The following DNER variants were observed in gnomAD, a reference collection of about 807,000 sequenced individuals.
DNER encodes the protein delta and Notch-like epidermal growth factor-related receptor.
DNER carries 33 observed loss-of-function variants against 78.2 expected under a neutral mutation model. The ratio of observed to expected loss-of-function variants is 0.42; its 90% confidence interval spans 0.32 to 0.56. The LOEUF (loss-of-function observed/expected upper bound fraction) is 0.56. Among genes scored for constraint, DNER ranks in the 20% least tolerant of loss-of-function variants. The probability of loss-of-function intolerance (pLI) is 0.11; values close to 1 mark genes in which losing one functional copy is unlikely to be tolerated. For synonymous variants in DNER, 417 were observed against 384.8 expected (o/e 1.08, Z -0.98); for missense variants, 918 against 975.3 (o/e 0.94, Z 0.78).
chr2:229,551,769 T>A (rs1246708693), intron 4 of DNER, among the ~76,000 whole-genome samples: 2 of 151,686 alleles, frequency 1.3e-5, no homozygotes, highest in Non-Finnish European at 2.9e-5. Context: ...CCATCTCTAC[T>A]AAAAGTACAA....
chr2:229,615,835 C>G (rs899984678), intron 1 of DNER, among the ~76,000 whole-genome samples: 4 of 152,170 alleles, frequency 2.6e-5, no homozygotes, highest in Non-Finnish European at 4.4e-5. Context: ...AAGCAAGCAG[C>G]CACAAGAAGT....
At chr2:229,567,271 C>T (rs1279944416) in intron 4 of DNER, among the ~76,000 whole-genome samples, 1 of 152,222 alleles carries the variant, frequency 6.6e-6, no homozygotes, top group Non-Finnish European at 1.5e-5. Flanking sequence ...ATTTATTCTG[C>T]ACCCTACTAA....
chr2:229,662,353 G>A (rs1427259634), intron 1 of DNER, among the ~76,000 whole-genome samples: 2 of 152,256 alleles, frequency 1.3e-5, no homozygotes, highest in African/African-American at 2.4e-5. Flanking sequence ...TAAGGAAAAA[G>A]ATAACTCATC....
At chr2:229,694,848 T>G (rs1174555198) in intron 1 of DNER, among the ~76,000 whole-genome samples, 1 of 152,196 alleles carries the variant, frequency 6.6e-6, no homozygotes, top group East Asian at 1.9e-4. Context: ...GTTAAGATTT[T>G]GGGGGACTGT....
In DNER at chr2:229,626,367, T is replaced by C. The variant is rs955643822; in HGVS notation, c.277-34479A>G. Among the ~76,000 whole-genome samples, 5 of 152,310 alleles carry C rather than the reference T, an allele frequency of 3.3e-5. No homozygotes were observed. In the East Asian group the frequency reaches 9.6e-4, roughly 29 times the overall value. On this transcript the variant is annotated intron_variant, in intron 1 of 12. Coordinates refer to ENST00000341772, the MANE Select transcript of DNER (RefSeq NM_139072.4). ...ACAACTCATCAGAAACTAGGATGTA[T>C]CTCATGATCTAAGAAAAATTTGTAC...
intron 1 of DNER, among the ~76,000 whole-genome samples, chr2:229,697,961 A>G (rs992497141): frequency 1.1e-4 from 16 of 152,186 alleles, no homozygotes; most frequent in African/African-American, 3.9e-4. Flanking sequence ...AGGCCAAGGC[A>G]GGGGGACTGC....
rs2154217988 is a variant in DNER at position 229,714,319 on chromosome 2, G to A, written c.105C>T (p.Asn35=). 5 of 1,287,678 alleles carry A rather than the reference G, an allele frequency of 3.9e-6. No individual in the cohort carries two copies. In the South Asian group the frequency reaches 7.6e-5, roughly 20 times the overall value. The allele number at this position is 1,287,678 out of a possible 1,614,324, so 79.8% of individuals were successfully genotyped here. Residue 35 remains asparagine, a synonymous_variant, in exon 1 of 13, where the codon AAC becomes AAT. Transcript: ENST00000341772. The part of the protein sequence containing the change: ...GAGPRGSSLA[N]PVPAAPLSAP... ...CAGACAGGGGCGCGGCGGGCACCGG[G>A]TTGGCCAGGGAGCTGCCTCGGGGCC...
intron 6 of DNER, among the ~76,000 whole-genome samples, chr2:229,506,121 T>C (rs1695739632): frequency 6.6e-6 from 1 of 152,192 alleles, no homozygotes. Flanking sequence ...CATGCTGCTA[T>C]GAAGAAATAC....
chr2:229,407,064 A>G (rs7562609), intron 10 of DNER, among the ~76,000 whole-genome samples, 168 bp downstream of exon 10: 46,318 of 151,998 alleles, frequency 0.3, 7,216 homozygotes, highest in South Asian at 0.37. Context: ...AGGCTCACAC[A>G]ATGGGTTGTT....
chr2:229,609,320 G>A (rs6745860), intron 1 of DNER, among the ~76,000 whole-genome samples: 6,652 of 152,248 alleles, frequency 0.044, 436 homozygotes, highest in African/African-American at 0.14. Flanking sequence ...CTGACCCACA[G>A]GCCAAATCTG....
intron 1 of DNER, among the ~76,000 whole-genome samples, chr2:229,665,066 T>A (rs1196482139): frequency 3.3e-5 from 5 of 152,182 alleles, no homozygotes; most frequent in Non-Finnish European, 7.3e-5. Context: ...AGGTCACACA[T>A]TACTGAGCAA....
At chr2:229,369,543 G>T (rs1315367815) in intron 11 of DNER, among the ~76,000 whole-genome samples, 1 of 152,122 alleles carries the variant, frequency 6.6e-6, no homozygotes, top group Non-Finnish European at 1.5e-5. Context: ...ACATGTGGTG[G>T]TGGTCCCTAA....
chr2:229,706,742 T>C (rs968263569), intron 1 of DNER, among the ~76,000 whole-genome samples: 1 of 152,132 alleles, frequency 6.6e-6, no homozygotes, highest in Admixed American at 6.5e-5. Context: ...TCATGCAATG[T>C]GAGTTTTTTT....
chr2:229,591,909 G>T lies in DNER; in HGVS notation c.277-21C>A, dbSNP rs1697615095. On this transcript the variant is annotated intron_variant, in intron 1 of 12. Transcript: ENST00000341772. The surrounding 1 kb of genome is among the most constrained non-coding windows in gnomAD (Gnocchi z 4.6). ...ACAAGCTGAAACGAGACCATAAATG[G>T]GTCAATTATTCCCTCATAAGAAAAG... is the stretch of plus-strand genomic sequence containing the variant. The T allele has an allele frequency of 6.7e-7, 1 of 1,495,506 alleles. No individual in the cohort carries two copies. Among genetic ancestry groups the T allele is most frequent in the African/African-American group, 1.4e-5 (1 of 71,588 alleles). The allele number at this position is 1,495,506 out of a possible 1,614,324, so 92.6% of individuals were successfully genotyped here.
rs367816926 is a variant in DNER, at chr2:229,564,719, C to T, written c.848-17627G>A. Among the ~76,000 whole-genome samples the T allele has an allele frequency of 3.9e-5, 6 of 152,002 alleles. No individual in the cohort carries two copies. In the East Asian group the frequency reaches 7.7e-4, roughly 19 times the overall value. On this transcript the variant is annotated intron_variant, in intron 4 of 12. Transcript: ENST00000341772. ...ATCACCATCATCATCAACATCATCACCCCATCACCATCATCATCATCATCA... is the reference window on the plus strand; with the variant it reads ...ATCACCATCATCATCAACATCATCATCCCATCACCATCATCATCATCATCA...
intron 4 of DNER, among the ~76,000 whole-genome samples, chr2:229,569,394 C>T (rs760835122): frequency 6.9e-4 from 105 of 152,072 alleles, no homozygotes; most frequent in Non-Finnish European, 1.2e-3. Flanking sequence ...TGATGGCTCA[C>T]GCCTGTAGTC....
chr2:229,528,330 A>G (rs1332886886), intron 5 of DNER, among the ~76,000 whole-genome samples: 1 of 152,218 alleles, frequency 6.6e-6, no homozygotes, highest in African/African-American at 2.4e-5. Context: ...TTTGCGCATC[A>G]CATGTGCCAC....
chr2:229,458,293 A>G (rs1694621525), intron 7 of DNER, among the ~76,000 whole-genome samples: 1 of 151,920 alleles, frequency 6.6e-6, no homozygotes, highest in Admixed American at 6.6e-5. Context: ...GACACTTAAT[A>G]TGAAAAAGTG....
At chr2:229,709,452 C>T (rs1213292481) in intron 1 of DNER, among the ~76,000 whole-genome samples, 1 of 152,038 alleles carries the variant, frequency 6.6e-6, no homozygotes, top group East Asian at 1.9e-4. Flanking sequence ...ACATTTTGTA[C>T]ATACTACAAT....
Sources: gnomAD v4.1 joint callset for allele counts (sites outside exome capture counted in the v4.1 genomes callset) on GRCh38, gnomAD v4.1.1 for gene constraint, Gnocchi (gnomAD v3.1) non-coding constraint, MANE v1.5 for transcripts, NCBI Gene and HGNC (gene_info 2026-07-23, HGNC 2026-07-21) for gene names.